The following WWOX variants were observed in gnomAD, a reference collection of about 807,000 sequenced individuals.
WWOX encodes WW domain containing oxidoreductase.
Under a neutral mutation model 46.2 loss-of-function variants are expected in WWOX, and 69 were observed. The ratio of observed to expected loss-of-function variants is 1.49; its 90% confidence interval spans 1.23 to 1.82. The LOEUF (loss-of-function observed/expected upper bound fraction) is 1.82, where lower values mean the gene tolerates loss of function less well. WWOX is among the 40% of genes most tolerant of loss of function. The probability of loss-of-function intolerance (pLI) is 0.00; values close to 1 mark genes in which losing one functional copy is unlikely to be tolerated. For missense variants in WWOX, 919 were observed against 542.6 expected (o/e 1.69, Z -6.89); for synonymous variants, 359 against 202.6 (o/e 1.77, Z -6.56).
chr16:78,743,019 C>G (rs1250606168), intron 8 of WWOX, among the ~76,000 whole-genome samples: 4 of 144,918 alleles, frequency 2.8e-5, no homozygotes, highest in African/African-American at 5.8e-5. Context: ...AGTCCCAACC[C>G]TTACTGCAGC....
At chr16:78,445,707 C>G (rs1378398938) in intron 8 of WWOX, among the ~76,000 whole-genome samples, 2 of 152,186 alleles carry the variant, frequency 1.3e-5, no homozygotes, top group Non-Finnish European at 2.9e-5. Context: ...TGAAACCCTT[C>G]TCTACTAAAA....
At chr16:78,710,781 A>T (rs573711338) in intron 8 of WWOX, among the ~76,000 whole-genome samples, 2 of 150,888 alleles carry the variant, frequency 1.3e-5, no homozygotes, top group Non-Finnish European at 2.9e-5. Context: ...TGCCCAGCTA[A>T]TTGTTTAATT....
chr16:79,183,353 A>C (rs1451917870), intron 8 of WWOX, among the ~76,000 whole-genome samples: 1 of 152,252 alleles, frequency 6.6e-6, no homozygotes, highest in Admixed American at 6.5e-5. Flanking sequence ...AGGGAGGGAC[A>C]CAAGAAAAGA....
intron 5 of WWOX, among the ~76,000 whole-genome samples, chr16:78,260,866 G>A (rs1228284845): frequency 6.7e-6 from 1 of 148,272 alleles, no homozygotes; most frequent in African/African-American, 2.5e-5. Context: ...GAACCCGGGA[G>A]GTGGAGGTTG....
intron 8 of WWOX, among the ~76,000 whole-genome samples, chr16:78,679,991 C>G (rs556536119): frequency 8.4e-4 from 128 of 152,260 alleles, no homozygotes; most frequent in Non-Finnish European, 1.4e-3. Flanking sequence ...AGCCCTACCA[C>G]TAACTGACTC....
chr16:78,769,826 G>C (rs544439312), intron 8 of WWOX, among the ~76,000 whole-genome samples: 7 of 150,804 alleles, frequency 4.6e-5, no homozygotes, highest in African/African-American at 1.7e-4. Flanking sequence ...GGACAACATA[G>C]GGAGGTCCTG....
chr16:78,743,004 C>T (rs1353411279), intron 8 of WWOX, among the ~76,000 whole-genome samples: 3 of 150,268 alleles, frequency 2.0e-5, no homozygotes, highest in African/African-American at 7.6e-5. Flanking sequence ...CAACTCCCCA[C>T]ATACAGTCCC....
intron 8 of WWOX, among the ~76,000 whole-genome samples, chr16:79,175,547 C>G (rs2050783555): frequency 6.6e-6 from 1 of 152,150 alleles, no homozygotes; most frequent in African/African-American, 2.4e-5. Context: ...TTGTTTTGAT[C>G]TTCATTCCTG....
chr16:78,862,138 A>C (rs994080544), intron 8 of WWOX, among the ~76,000 whole-genome samples: 75 of 151,910 alleles, frequency 4.9e-4, no homozygotes, highest in African/African-American at 1.8e-3. Context: ...ATCTATATCT[A>C]TACACACCTA....
intron 8 of WWOX, among the ~76,000 whole-genome samples, chr16:78,718,854 T>C (rs369682061): frequency 8.5e-5 from 13 of 152,288 alleles, no homozygotes; most frequent in African/African-American, 3.1e-4. Context: ...AAGGCATGGA[T>C]GTGACTGAGG....
At chr16:78,708,965 C>T (rs2048381209) in intron 8 of WWOX, among the ~76,000 whole-genome samples, 1 of 152,148 alleles carries the variant, frequency 6.6e-6, no homozygotes, top group Admixed American at 6.5e-5. Flanking sequence ...GTGTCACTTG[C>T]ACATCCATTT....
intron 6 of WWOX, among the ~76,000 whole-genome samples, chr16:78,406,313 T>TAA (rs2082536508): frequency 2.1e-5 from 1 of 48,096 alleles, no homozygotes; most frequent in Admixed American, 2.1e-4. Flanking sequence ...AATATATATA[T>TAA]ATATATATAT....
In WWOX at chr16:78,945,425, A is replaced by G. The variant is rs1210469336; in HGVS notation, c.1057-266183A>G. Among the ~76,000 whole-genome samples, 3 of 152,328 alleles carry G rather than the reference A, an allele frequency of 2.0e-5. No individual in the cohort carries two copies. In the East Asian group the frequency reaches 5.8e-4, roughly 29 times the overall value. On this transcript the variant is annotated intron_variant, in intron 8 of 8. Coordinates refer to ENST00000566780, the MANE Select transcript of WWOX (RefSeq NM_016373.4). ...TTAATGCATCTAAAGTCTCTGTATC[A>G]AAAAGATCAAAATCAGGTTTGAAAG... is the stretch of plus-strand genomic sequence containing the variant.
rs1567609023 is a variant in WWOX at position 78,501,193 on chromosome 16, C to CTCTTTTT, written c.1056+68442_1056+68443insCTTTTTT. Among the ~76,000 whole-genome samples, 10 of 90,938 alleles carry CTCTTTTT rather than the reference C, an allele frequency of 1.1e-4. 1 individual carries two copies. The highest frequency in any genetic ancestry group is 2.0e-4 in the Non-Finnish European group (9 of 43,954). 59.7% of individuals were successfully genotyped at this position (90,938 alleles called of 152,430 possible). On this transcript the variant is annotated intron_variant, in intron 8 of 8. Coordinates refer to ENST00000566780, the MANE Select transcript of WWOX (RefSeq NM_016373.4). Reference sequence around the variant, plus strand: ...TTTTTCTTTCTCTCTCTTTCTTTCTCTTTTTTTTTTTTTGAAAAACTTTTT... The same window carrying CTCTTTTT: ...TTTTTCTTTCTCTCTCTTTCTTTCTCTCTTTTTTTTTTTTTTTTTTGAAAAACTTTTT...
intron 8 of WWOX, among the ~76,000 whole-genome samples, chr16:79,151,094 T>G (rs1395728636): frequency 6.6e-6 from 1 of 151,376 alleles, no homozygotes; most frequent in Non-Finnish European, 1.5e-5. Flanking sequence ...AAAGCTATCA[T>G]TTTAATACTA....
chr16:79,128,154 A>C (rs1401411797), intron 8 of WWOX, among the ~76,000 whole-genome samples: 1 of 152,136 alleles, frequency 6.6e-6, no homozygotes, highest in Non-Finnish European at 1.5e-5. Context: ...AGAAGAAGAC[A>C]ATGGCTGTGG....
intron 8 of WWOX, among the ~76,000 whole-genome samples, chr16:79,210,400 C>T (rs438254): frequency 0.39 from 58,801 of 152,086 alleles, 14,071 homozygotes; most frequent in Non-Finnish European, 0.55. Flanking sequence ...GAAACTCCTC[C>T]AGTAAGCACC....
intron 8 of WWOX, among the ~76,000 whole-genome samples, chr16:78,838,128 CCTT>C (rs1454353380): frequency 6.6e-6 from 1 of 152,134 alleles, no homozygotes; most frequent in Non-Finnish European, 1.5e-5. Flanking sequence ...AGAGCCTCCT[CCTT>C]CAACTCTGTC....
intron 8 of WWOX, among the ~76,000 whole-genome samples, chr16:78,763,827 A>G (rs906645686): frequency 6.6e-6 from 1 of 152,248 alleles, no homozygotes; most frequent in African/African-American, 2.4e-5. Context: ...TCAGCATAGT[A>G]GAGCTGGCTC....
Sources: allele counts gnomAD v4.1 joint callset (sites outside exome capture counted in the v4.1 genomes callset), GRCh38; gene constraint gnomAD v4.1.1; transcripts MANE v1.5; gene names NCBI Gene and HGNC (gene_info 2026-07-23, HGNC 2026-07-21).